The following OPCML variants were observed in gnomAD, a reference collection of about 807,000 sequenced individuals.
The protein encoded by OPCML is opioid binding protein/cell adhesion molecule like, also known as opioid-binding protein/cell adhesion molecule.
Under a neutral mutation model 37.8 loss-of-function variants are expected in OPCML, and 13 were observed. The ratio of observed to expected loss-of-function variants is 0.34; its 90% CI spans 0.22 to 0.55. The LOEUF is 0.55. OPCML is among the 20% of genes least tolerant of loss of function. The probability of loss-of-function intolerance (pLI) is 0.91; values close to 1 mark genes in which losing one functional copy is unlikely to be tolerated. For synonymous variants in OPCML, 176 were observed against 168.8 expected (o/e 1.04, Z -0.33); for missense variants, 341 against 435.6 (o/e 0.78, Z 1.93).
intron 2 of OPCML, among the ~76,000 whole-genome samples, chr11:132,879,508 C>A (rs956463420): frequency 1.3e-5 from 2 of 152,182 alleles, no homozygotes; most frequent in Admixed American, 1.3e-4. Flanking sequence ...TTAGTAGCAG[C>A]CCATAAACCA....
intron 4 of OPCML, among the ~76,000 whole-genome samples, chr11:132,440,666 G>C (rs558099875): frequency 3.3e-5 from 5 of 152,332 alleles, no homozygotes; most frequent in Admixed American, 6.5e-5. Context: ...AGGATGCATG[G>C]ATTCTTCATG....
At chr11:133,196,746 C>T (rs760325710) in intron 1 of OPCML, among the ~76,000 whole-genome samples, 11 of 152,170 alleles carry the variant, frequency 7.2e-5, no homozygotes, top group South Asian at 2.1e-4. Flanking sequence ...GACTAATCTG[C>T]GAGCCAAGAT....
At chr11:133,419,510 CA>C (rs1439150923) in intron 1 of OPCML, 4 of 176,506 alleles carry the variant, frequency 2.3e-5, no homozygotes, top group African/African-American at 7.2e-5. Flanking sequence ...ACTCAAAAGC[CA>C]TTACTTTCAA....
At chr11:133,137,999 C>T (rs1949716344) in intron 1 of OPCML, among the ~76,000 whole-genome samples, 1 of 152,172 alleles carries the variant, frequency 6.6e-6, no homozygotes, top group Admixed American at 6.5e-5. Context: ...CCCATCAACA[C>T]TCAGGTTAAA....
At chr11:133,210,701 TA>T (rs1480125320) in intron 1 of OPCML, among the ~76,000 whole-genome samples, 1 of 151,802 alleles carries the variant, frequency 6.6e-6, no homozygotes, top group Non-Finnish European at 1.5e-5. Flanking sequence ...TCTTTTGGGG[TA>T]AATGTGAAGG....
Position 132,931,929 on chromosome 11 carries a change from C to T in OPCML, c.146+10997G>A, listed in dbSNP as rs1217345629. Among the ~76,000 whole-genome samples, 5 of 152,244 alleles carry T rather than the reference C, an allele frequency of 3.3e-5. No individual in the cohort carries two copies. In the East Asian group the frequency reaches 9.7e-4, roughly 29 times the overall value. On this transcript the variant is annotated intron_variant, in intron 2 of 7. Coordinates refer to ENST00000524381, the MANE Select transcript of OPCML (RefSeq NM_001012393.5). ...CGTGGCCTATACATGCAATAGAACA[C>T]AGCCTTAAGAAGGAAAGAAATTCTG...
chr11:133,068,710 C>G (rs947862098), intron 1 of OPCML, among the ~76,000 whole-genome samples: 1 of 152,182 alleles, frequency 6.6e-6, no homozygotes, highest in African/African-American at 2.4e-5. Flanking sequence ...TTTCAGCAGA[C>G]GGATATTTTG....
intron 3 of OPCML, among the ~76,000 whole-genome samples, chr11:132,599,376 AAGGAGGAAG>A (rs1937679062): frequency 7.8e-5 from 1 of 12,764 alleles, no homozygotes; most frequent in African/African-American, 4.3e-4. Flanking sequence ...GAGGAGGAAG[AAGGAGGAAG>A]AAGGAGGAAG....
chr11:133,048,467 G>A (rs1041807165), intron 1 of OPCML, among the ~76,000 whole-genome samples: 1 of 151,988 alleles, frequency 6.6e-6, no homozygotes, highest in African/African-American at 2.4e-5. Flanking sequence ...ACCACTTAGC[G>A]CCAGAAACTA....
rs527359449 is a variant in OPCML at position 132,483,774 on chromosome 11, C to G, written c.505+45287G>C. ...CAGAAATAATGCCACATATCTACAA[C>G]TATCTGATCTTTGACAAACCTGACA... On this transcript the variant is annotated intron_variant, in intron 4 of 7. Coordinates refer to ENST00000524381, the MANE Select transcript of OPCML (RefSeq NM_001012393.5). 4.6e-5 allele frequency among the ~76,000 whole-genome samples: 7 copies of G among 151,858 alleles called. No homozygotes were observed. In the East Asian group the frequency reaches 5.8e-4, roughly 13 times the overall value.
At position 133,205,590 on chromosome 11, in the gene OPCML, G is replaced by A. The variant is rs2136328747; in HGVS notation, c.62-262580C>T. ...GACAGTGTCAGAATTGAATTGAATT[G>A]GAGAACGCCCAGTCCTCACGATCAT... On this transcript the variant is annotated intron_variant, in intron 1 of 7. Coordinates refer to ENST00000524381, the MANE Select transcript of OPCML (RefSeq NM_001012393.5). The surrounding 1 kb of genome is among the most constrained non-coding windows in gnomAD (Gnocchi z 4.8). 6.6e-6 allele frequency among the ~76,000 whole-genome samples: 1 copy of A among 152,284 alleles called. No individual in the cohort carries two copies. The highest frequency in any genetic ancestry group is 2.1e-4 in the South Asian group (1 of 4,826).
intron 3 of OPCML, among the ~76,000 whole-genome samples, chr11:132,598,373 C>T (rs2096495796): frequency 6.6e-6 from 1 of 152,110 alleles, no homozygotes; most frequent in African/African-American, 2.4e-5. Context: ...ATAGTAGACA[C>T]TCAATGAATT....
Position 133,174,623 on chromosome 11 carries a change from T to C in OPCML, c.62-231613A>G, listed in dbSNP as rs1425426064. ...TTTATTTGTGTTGAAAAAATGCTCA[T>C]GGAATGCTGTTTAGTGAAAAAAAAA... On this transcript the variant is annotated intron_variant, in intron 1 of 7. Transcript: ENST00000524381. The surrounding 1 kb of genome is among the most constrained non-coding windows in gnomAD (Gnocchi z 4.6). Among the ~76,000 whole-genome samples the C allele has an allele frequency of 1.5e-5, 2 of 133,842 alleles. No individual in the cohort carries two copies. The highest frequency in any genetic ancestry group is 3.1e-5 in the Non-Finnish European group (2 of 64,630). The allele number at this position is 133,842 out of a possible 152,430, so 87.8% of individuals were successfully genotyped here. A position where few individuals can be genotyped will look rare whatever the true frequency, so the allele number is the denominator to read the frequency against.
intron 3 of OPCML, among the ~76,000 whole-genome samples, chr11:132,540,879 A>G (rs2137366790): frequency 6.6e-6 from 1 of 152,324 alleles, no homozygotes; most frequent in East Asian, 1.9e-4. Flanking sequence ...ATGCAGCAAA[A>G]GAGTCTTTCT....
chr11:133,283,331 A>C (rs1208737812), intron 1 of OPCML, among the ~76,000 whole-genome samples: 1 of 152,020 alleles, frequency 6.6e-6, no homozygotes, highest in African/African-American at 2.4e-5. Context: ...TACCATTACC[A>C]ACCACGATAT....
At chr11:132,681,477 T>C (rs2105618) in intron 2 of OPCML, among the ~76,000 whole-genome samples, 77,439 of 151,856 alleles carry the variant, frequency 0.51, 19,852 homozygotes, top group Admixed American at 0.56. Context: ...AGGAGTCCAG[T>C]CAGGAACAAC....
At position 132,454,507 on chromosome 11, in the gene OPCML, C is replaced by T. The variant is rs575926142; in HGVS notation, c.506-17148G>A. Among the ~76,000 whole-genome samples the T allele has an allele frequency of 6.8e-4, 104 of 152,306 alleles. No homozygotes were observed. The Middle Eastern group carries it at 0.01, about 15-fold the overall frequency. ...TCCTGCGGTAACAGCCCCTCTACTG[C>T]GGAGATGCTCCACTGCCTCTTCCAC... On this transcript the variant is annotated intron_variant, in intron 4 of 7. Coordinates refer to ENST00000524381, the MANE Select transcript of OPCML (RefSeq NM_001012393.5).
Position 132,609,137 on chromosome 11 carries a change from T to G in OPCML, c.379+47950A>C, listed in dbSNP as rs538954370. Among the ~76,000 whole-genome samples the G allele has an allele frequency of 9.5e-4, 145 of 152,104 alleles. 3 individuals carry two copies. The South Asian group carries it at 0.029, about 31-fold the overall frequency. On this transcript the variant is annotated intron_variant, in intron 3 of 7. Coordinates refer to ENST00000524381, the MANE Select transcript of OPCML (RefSeq NM_001012393.5). ...TGTTTCTCATCGGCTTCTCACCACATGCAGAATCAATGCCAAACCCTTCTG... is the reference window on the plus strand; with the variant it reads ...TGTTTCTCATCGGCTTCTCACCACAGGCAGAATCAATGCCAAACCCTTCTG...
At chr11:133,226,149 A>G (rs1168138247) in intron 1 of OPCML, among the ~76,000 whole-genome samples, 1 of 152,188 alleles carries the variant, frequency 6.6e-6, no homozygotes, top group Non-Finnish European at 1.5e-5. Context: ...ATGTACCCCA[A>G]ATTTTCTTCC....
Sources: allele counts gnomAD v4.1 joint callset (sites outside exome capture counted in the v4.1 genomes callset), GRCh38; gene constraint gnomAD v4.1.1; non-coding constraint Gnocchi (gnomAD v3.1); transcripts MANE v1.5; gene names NCBI Gene and HGNC (gene_info 2026-07-23, HGNC 2026-07-21).